The following LEMD1 variants were observed in gnomAD, a reference collection of about 807,000 sequenced individuals.
LEMD1 encodes the protein LEM domain-containing protein 1.
A neutral mutation model predicts 17.4 loss-of-function variants in LEMD1; 18 were observed. The observed-to-expected ratio is 1.04, with a 90% CI of 0.72 to 1.54. The LOEUF (loss-of-function observed/expected upper bound fraction) is 1.54, where lower values mean the gene tolerates loss of function less well. Ranked by LOEUF, LEMD1 falls within the 40% of genes most tolerant of loss-of-function variation. The pLI is 0.00. For missense variants in LEMD1, 195 were observed against 210.4 expected (o/e 0.93, Z 0.45); for synonymous variants, 88 against 77.8 (o/e 1.13, Z -0.69).
chr1:205,420,210 T>TG, intron 2 of LEMD1, among the ~76,000 whole-genome samples: 1 of 152,148 alleles, frequency 6.6e-6, no homozygotes, highest in Non-Finnish European at 1.5e-5. Flanking sequence ...CCCAGCTGCT[T>TG]GGGAGGCTCA....
At chr1:205,393,474 G>A (rs774466528) in intron 4 of LEMD1, among the ~76,000 whole-genome samples, 49 of 151,830 alleles carry the variant, frequency 3.2e-4, no homozygotes, top group Admixed American at 8.5e-4. Flanking sequence ...TTAGGAGTTC[G>A]AGACCAGCCT....
chr1:205,423,228 C>T (rs1243121028), upstream of LEMD1, among the ~76,000 whole-genome samples: 1 of 152,208 alleles, frequency 6.6e-6, no homozygotes, highest in Admixed American at 6.5e-5. Flanking sequence ...AGGGCTATGG[C>T]TCCACAGTTT....
chr1:205,392,236 T>G (rs1413285613), intron 4 of LEMD1, among the ~76,000 whole-genome samples: 3 of 152,166 alleles, frequency 2.0e-5, no homozygotes, highest in Non-Finnish European at 4.4e-5. Context: ...TCATAAAATG[T>G]TTCAATGAAC....
intron 4 of LEMD1, among the ~76,000 whole-genome samples, chr1:205,400,922 C>T (rs1349840803): frequency 7.0e-6 from 1 of 143,376 alleles, no homozygotes; most frequent in Non-Finnish European, 1.5e-5. Flanking sequence ...GTTCAATTCC[C>T]ATCTATGAGT....
chr1:205,417,501 C>T (rs761760428), intron 3 of LEMD1, among the ~76,000 whole-genome samples: 1 of 152,116 alleles, frequency 6.6e-6, no homozygotes, highest in South Asian at 2.1e-4. Flanking sequence ...TCTTGAGCCC[C>T]TCCCCAGGGC....
chr1:205,442,254 C>T (rs543562194), intron 1 of LEMD1, among the ~76,000 whole-genome samples: 68 of 152,146 alleles, frequency 4.5e-4, no homozygotes, highest in Non-Finnish European at 8.1e-4. Context: ...GAGGGAGGCA[C>T]AGGGCTATGC....
chr1:205,431,296 C>G (rs1471393125), intron 1 of LEMD1, among the ~76,000 whole-genome samples: 1 of 152,188 alleles, frequency 6.6e-6, no homozygotes, highest in African/African-American at 2.4e-5. Flanking sequence ...AGATGCAGTG[C>G]AACATGTGAC....
chr1:205,396,438 T>C lies in LEMD1; in HGVS notation c.271-12074A>G, dbSNP rs544883419. Among the ~76,000 whole-genome samples the C allele has an allele frequency of 5.9e-5, 9 of 152,240 alleles. No homozygotes were observed. The East Asian group carries it at 7.7e-4, about 13-fold the overall frequency. On this transcript the variant is annotated intron_variant, in intron 4 of 5. Coordinates refer to ENST00000367153, the MANE Select transcript of LEMD1 (RefSeq NM_001199050.2). Reference sequence around the variant, plus strand: ...TCCATTCAGCAGTCCTACTTGTAGGTACATTCATGCAATCAGAAAAAAAAA... The same window carrying C: ...TCCATTCAGCAGTCCTACTTGTAGGCACATTCATGCAATCAGAAAAAAAAA...
intron 1 of LEMD1, among the ~76,000 whole-genome samples, chr1:205,429,312 A>G (rs1666096065): frequency 1.3e-5 from 2 of 152,218 alleles, no homozygotes; most frequent in Non-Finnish European, 2.9e-5. Flanking sequence ...GGAATATGAT[A>G]TCCACGCTGG....
In LEMD1 at chr1:205,390,354, C is replaced by A. The variant is rs577053137; in HGVS notation, c.271-5990G>T. Reference sequence around the variant, plus strand: ...TGGGCGACAGAGCTACACTCTCTCTCTAAAAAAAAAAAAAACAACAAACTT... The same window carrying A: ...TGGGCGACAGAGCTACACTCTCTCTATAAAAAAAAAAAAAACAACAAACTT... On this transcript the variant is annotated intron_variant, in intron 4 of 5. Transcript: ENST00000367153. Among the ~76,000 whole-genome samples the A allele has an allele frequency of 4.1e-5, 6 of 147,198 alleles. No individual in the cohort carries two copies. In the South Asian group the frequency reaches 1.1e-3, roughly 26 times the overall value.
chr1:205,416,204 A>C, intron 4 of LEMD1, 28 bp downstream of exon 4: 4 of 1,422,094 alleles, frequency 2.8e-6, no homozygotes, highest in Non-Finnish European at 3.9e-6. Context: ...TATGGGTATA[A>C]GTATTCAGGC....
chr1:205,412,040 G>A (rs1413118856), intron 4 of LEMD1, among the ~76,000 whole-genome samples: 1 of 152,194 alleles, frequency 6.6e-6, no homozygotes, highest in African/African-American at 2.4e-5. Context: ...ATTTGCCCAA[G>A]ATAGTCCCAG....
rs572814990 is a variant in LEMD1 at position 205,381,397 on chromosome 1, C to T, written c.*261G>A. 3 of 490,362 alleles carry T rather than the reference C, an allele frequency of 6.1e-6. No homozygotes were observed. Among genetic ancestry groups the T allele is most frequent in the African/African-American group, 5.7e-5 (3 of 52,202 alleles). 30.4% of individuals were successfully genotyped at this position (490,362 alleles called of 1,614,324 possible). A position where few individuals can be genotyped will look rare whatever the true frequency, so the allele number is the denominator to read the frequency against. ...AGACAGTTTCCTTGTTTGACGCCTGCTCAAATATGGAAGCACCTTTAATGA... is the reference window on the plus strand; with the variant it reads ...AGACAGTTTCCTTGTTTGACGCCTGTTCAAATATGGAAGCACCTTTAATGA... On this transcript the variant is annotated 3_prime_UTR_variant, in exon 6 of 6. Transcript: ENST00000367153.
At chr1:205,386,523 C>T (rs970868460) in intron 4 of LEMD1, 9 of 152,058 alleles carry the variant, frequency 5.9e-5, no homozygotes, top group Non-Finnish European at 1.3e-4. Context: ...CCAGGATGGT[C>T]TCGATCTCCT....
chr1:205,428,383 G>A (rs1350217432), intron 1 of LEMD1, among the ~76,000 whole-genome samples: 1 of 152,124 alleles, frequency 6.6e-6, no homozygotes, highest in African/African-American at 2.4e-5. Flanking sequence ...GATATCGTTA[G>A]GTTGCAGCAA....
At chr1:205,386,756 C>T (rs1257387253) in intron 4 of LEMD1, 2 of 152,210 alleles carry the variant, frequency 1.3e-5, no homozygotes, top group African/African-American at 4.8e-5. Context: ...CATACCCTTA[C>T]CACATACCCT....
chr1:205,419,163 A>G lies in LEMD1; in HGVS notation c.205+67T>C, dbSNP rs1665836444. On this transcript the variant is annotated intron_variant, in intron 3 of 5. Transcript: ENST00000367153. ...GGCTGCACACCATTTAAAGCTGCAT[A>G]AATCATGCTGGACAAGGTATTAATA... is the stretch of plus-strand genomic sequence containing the variant. The G allele has an allele frequency of 1.9e-6, 3 of 1,570,964 alleles. No homozygotes were observed. In the East Asian group the frequency reaches 6.8e-5, roughly 35 times the overall value.
At chr1:205,430,032 G>A (rs953172831) in intron 1 of LEMD1, among the ~76,000 whole-genome samples, 16 of 152,146 alleles carry the variant, frequency 1.1e-4, no homozygotes, top group African/African-American at 3.9e-4. Flanking sequence ...GACAGGGCTG[G>A]GACACATATT....
chr1:205,419,151 T>C (rs1665836062), intron 3 of LEMD1, 79 bp downstream of exon 3: 1 of 1,541,376 alleles, frequency 6.5e-7, no homozygotes, highest in African/African-American at 1.4e-5. Flanking sequence ...TGCACACCAT[T>C]TAAAGCTGCA....
Sources: allele counts gnomAD v4.1 joint callset (sites outside exome capture counted in the v4.1 genomes callset), GRCh38; gene constraint gnomAD v4.1.1; transcripts MANE v1.5; gene names NCBI Gene and HGNC (gene_info 2026-07-23, HGNC 2026-07-21).